Variants in MAP3K21 observed in about 807,000 individuals in gnomAD.
MAP3K21 encodes mitogen-activated protein kinase kinase kinase 21, also known as mitogen-activated protein kinase kinase kinase MLK4.
A neutral mutation model predicts 86.1 loss-of-function variants in MAP3K21; 63 were observed. That is an observed-to-expected ratio of 0.73 (90% confidence interval 0.60 to 0.90). The LOEUF is 0.90. Among genes scored for constraint, MAP3K21 ranks in the 40% least tolerant of loss-of-function variants. The pLI, the probability that MAP3K21 is intolerant of heterozygous loss-of-function variation, is 0.00. For missense variants in MAP3K21, 1,220 were observed against 1,367.7 expected (o/e 0.89, Z 1.70); for synonymous variants, 558 against 564.8 (o/e 0.99, Z 0.17).
At chr1:233,371,244 G>T (rs1400988714) in intron 5 of MAP3K21, among the ~76,000 whole-genome samples, 1 of 152,198 alleles carries the variant, frequency 6.6e-6, no homozygotes, top group South Asian at 2.1e-4. Flanking sequence ...GTTCACTTTA[G>T]CAGGTGAAGA....
intron 4 of MAP3K21, 139 bp from the exon 5 acceptor site, chr1:233,361,914 A>C: frequency 9.3e-7 from 1 of 1,074,970 alleles, no homozygotes; most frequent in East Asian, 2.6e-5. Flanking sequence ...CCAGGGCTTG[A>C]GCAGAGGAAG....
intron 1 of MAP3K21, among the ~76,000 whole-genome samples, chr1:233,334,975 T>TTTTA (rs59426599): frequency 1.3e-5 from 2 of 148,682 alleles, no homozygotes; most frequent in East Asian, 2.0e-4. Context: ...TTTTTTTTTT[T>TTTTA]ATTATACTTT....
intron 1 of MAP3K21, among the ~76,000 whole-genome samples, chr1:233,331,298 G>T (rs1662805439): frequency 6.6e-6 from 1 of 152,148 alleles, no homozygotes; most frequent in Non-Finnish European, 1.5e-5. Context: ...TCACTAGCCT[G>T]GCCAAGTATT....
At chr1:233,341,051 C>G (rs1448954007) in intron 1 of MAP3K21, among the ~76,000 whole-genome samples, 1 of 152,102 alleles carries the variant, frequency 6.6e-6, no homozygotes, top group Non-Finnish European at 1.5e-5. Context: ...AGGCTAAGTA[C>G]AAGGTTGTAG....
At chr1:233,370,193 C>T (rs1399654337) in intron 5 of MAP3K21, among the ~76,000 whole-genome samples, 2 of 152,156 alleles carry the variant, frequency 1.3e-5, no homozygotes, top group Non-Finnish European at 2.9e-5. Context: ...TTTATTATGT[C>T]CCAACCCCTG....
Position 233,379,625 on chromosome 1 carries a change from A to G in MAP3K21, c.2619A>G (p.Thr873=), listed in dbSNP as rs761193022. The part of the protein sequence containing the change: ...RNLPSSFLQQ[T]CGNVPYCASS... ...TGCCGTCTTCCTTCCTACAGCAGAC[A>G]TGTGGGAATGTACCTTACTGTGCTT... The change falls in exon 9 of 10, where the codon ACA becomes ACG. Residue 873 remains threonine (T), a synonymous_variant. Coordinates refer to ENST00000366624, the MANE Select transcript of MAP3K21 (RefSeq NM_032435.3). The G allele has an allele frequency of 6.2e-7, 1 of 1,613,670 alleles. No homozygotes were observed. Among genetic ancestry groups the G allele is most frequent in the South Asian group, 1.1e-5 (1 of 91,074 alleles).
chr1:233,368,589 A>C (rs1037398356), intron 5 of MAP3K21, among the ~76,000 whole-genome samples: 1 of 152,084 alleles, frequency 6.6e-6, no homozygotes, highest in African/African-American at 2.4e-5. Flanking sequence ...AGGGGAGGTC[A>C]AGGCTGCAGT....
In MAP3K21 at chr1:233,379,531, C is replaced by A. The variant is rs759510536; in HGVS notation, c.2525C>A (p.Ala842Asp). The A allele has an allele frequency of 1.9e-6, 3 of 1,614,072 alleles. No homozygotes were observed. The highest frequency in any genetic ancestry group is 4.5e-5 in the East Asian group (2 of 44,884). Residue 842 changes from alanine (A) to aspartate (D), a missense_variant, in exon 9 of 10, where the codon GCC (alanine) becomes GAC (aspartate). By Grantham distance (126) the Ala-to-Asp change is moderately radical (BLOSUM62 -2). Coordinates refer to ENST00000366624, the MANE Select transcript of MAP3K21 (RefSeq NM_032435.3). Reference sequence around the variant, plus strand: ...CTCACTCCGGATTTTTGTCCCACTGCCCCAGGAAGTGGTCGTGAGCCAGCC... The same window carrying A: ...CTCACTCCGGATTTTTGTCCCACTGACCCAGGAAGTGGTCGTGAGCCAGCC... ...EMLTPDFCPT[A>D]PGSGREPALM...
At chr1:233,339,127 G>T (rs1174578853) in intron 1 of MAP3K21, among the ~76,000 whole-genome samples, 2 of 152,056 alleles carry the variant, frequency 1.3e-5, no homozygotes, top group African/African-American at 2.4e-5. Flanking sequence ...ATGATCAACC[G>T]TATCAAATGC....
intron 1 of MAP3K21, among the ~76,000 whole-genome samples, chr1:233,339,672 T>C (rs897832653): frequency 6.6e-6 from 1 of 151,738 alleles, no homozygotes; most frequent in African/African-American, 2.4e-5. Flanking sequence ...TTTGTAGGGG[T>C]TGGTTCTCAC....
intron 5 of MAP3K21, 85 bp downstream of exon 5, chr1:233,362,378 A>C: frequency 7.0e-7 from 1 of 1,434,982 alleles, no homozygotes; most frequent in African/African-American, 1.4e-5. Flanking sequence ...ACCAGGAAAG[A>C]GATAGGGAAG....
intron 8 of MAP3K21, among the ~76,000 whole-genome samples, 188 bp downstream of exon 8, chr1:233,376,715 A>G (rs983278453): frequency 6.6e-6 from 1 of 152,236 alleles, no homozygotes; most frequent in African/African-American, 2.4e-5. Context: ...GCAGGAAGTA[A>G]TTAGGCTTCA....
intron 5 of MAP3K21, among the ~76,000 whole-genome samples, chr1:233,370,229 G>T (rs1019683998): frequency 1.3e-5 from 2 of 152,118 alleles, no homozygotes; most frequent in Non-Finnish European, 2.9e-5. Flanking sequence ...ATACTTCTTT[G>T]CACTGAATTT....
In MAP3K21 at chr1:233,328,524, G is replaced by C. The variant is rs752190705; in HGVS notation, c.496G>C (p.Glu166Gln). The C allele has an allele frequency of 1.3e-6, 2 of 1,529,928 alleles. No individual in the cohort carries two copies. Among genetic ancestry groups the C allele is most frequent in the Non-Finnish European group, 1.7e-6 (2 of 1,149,256 alleles). The allele number at this position is 1,529,928 out of a possible 1,614,324, so 94.8% of individuals were successfully genotyped here. ...DPEQDAAAAA[E>Q]SVRREARLFA... is the part of the protein sequence containing the mutation. The stretch of plus-strand genomic sequence containing the variant: ...GGAGCAGGACGCGGCGGCGGCTGCC[G>C]AGAGCGTGCGGCGCGAGGCTCGGCT... The change falls in exon 1 of 10, where the codon GAG becomes CAG. Residue 166 changes from glutamate (E) to glutamine (Q), a missense_variant. Glu to Gln is a conservative substitution (Grantham distance 29). This residue lies in a region of MAP3K21 where 369 missense variants were observed against 385.3 expected (regional missense o/e 0.96). Coordinates refer to ENST00000366624, the MANE Select transcript of MAP3K21 (RefSeq NM_032435.3). The surrounding 1 kb of genome is among the most constrained non-coding windows in gnomAD (Gnocchi z 8.7).
chr1:233,328,640 C>T lies in MAP3K21; in HGVS notation c.612C>T (p.Arg204=). 11 of 1,442,428 alleles carry T rather than the reference C, an allele frequency of 7.6e-6. No individual in the cohort carries two copies. Among genetic ancestry groups the T allele is most frequent in the Non-Finnish European group, 1.0e-5 (11 of 1,099,046 alleles). The allele number at this position is 1,442,428 out of a possible 1,614,324, so 89.4% of individuals were successfully genotyped here. The change falls in exon 1 of 10, where the codon CGC becomes CGT. Residue 204 remains arginine (R), a synonymous_variant. Transcript: ENST00000366624. This position sits in a 1 kb window ranked among gnomAD's most constrained non-coding sequence, Gnocchi z 8.7. ...PHLCLVLEFA[R]GGALNRALAA... is the part of the protein sequence containing the mutation. ...TCTGCCTGGTGCTGGAGTTCGCCCG[C>T]GGCGGAGCGCTCAACCGAGCGCTGG...
chr1:233,374,464 G>A (rs916001577), intron 6 of MAP3K21, among the ~76,000 whole-genome samples: 3 of 152,106 alleles, frequency 2.0e-5, no homozygotes, highest in African/African-American at 7.2e-5. Context: ...GTGAGCCATC[G>A]CACCCGGCCT....
At position 233,382,423 on chromosome 1, in the gene MAP3K21, C is replaced by T. The variant is rs375381466; in HGVS notation, c.2823C>T (p.Ile941=). 40 of 1,614,142 alleles carry T rather than the reference C, an allele frequency of 2.5e-5. No homozygotes were observed. The highest frequency in any genetic ancestry group is 1.8e-4 in the Admixed American group (11 of 60,020). Residue 941 remains isoleucine (I), a synonymous_variant, in exon 10 of 10, where the codon ATC becomes ATT. Transcript: ENST00000366624. ...CCAAGAAGCACAGCACTGTCCACAT[C>T]GTGCCTCAGCGTCGCCCTGCCTCCC... The part of the protein sequence containing the change: ...VSPKKHSTVH[I]VPQRRPASLR...
In MAP3K21 at chr1:233,328,134, G is replaced by T; in HGVS notation, c.106G>T (p.Ala36Ser). ...SSSSTSSGGS[A>S]SAGAGLWAAL... ...GTCGTCCACCTCCTCGGGCGGCTCGGCCTCGGCGGGCGCGGGGCTGTGGGC... is the reference window on the plus strand; with the variant it reads ...GTCGTCCACCTCCTCGGGCGGCTCGTCCTCGGCGGGCGCGGGGCTGTGGGC... Residue 36 changes from alanine to serine, a missense_variant, in exon 1 of 10, where the codon GCC (alanine) becomes TCC (serine). This residue lies in a region of MAP3K21 where 369 missense variants were observed against 385.3 expected (regional missense o/e 0.96). Coordinates refer to ENST00000366624, the MANE Select transcript of MAP3K21 (RefSeq NM_032435.3). This position sits in a 1 kb window ranked among gnomAD's most constrained non-coding sequence, Gnocchi z 8.7. The T allele has an allele frequency of 7.0e-7, 1 of 1,420,258 alleles. No homozygotes were observed. The highest frequency in any genetic ancestry group is 9.2e-7 in the Non-Finnish European group (1 of 1,092,106). The allele number at this position is 1,420,258 out of a possible 1,614,324, so 88.0% of individuals were successfully genotyped here. A position where few individuals can be genotyped will look rare whatever the true frequency, so the allele number is the denominator to read the frequency against.
intron 5 of MAP3K21, among the ~76,000 whole-genome samples, chr1:233,365,087 G>A (rs908223727): frequency 6.6e-6 from 1 of 152,138 alleles, no homozygotes; most frequent in Non-Finnish European, 1.5e-5. Context: ...ATTCCGCTTA[G>A]TATAGAAGAG....
Sources: gnomAD v4.1 joint callset for allele counts (sites outside exome capture counted in the v4.1 genomes callset) on GRCh38, gnomAD v4.1.1 for gene constraint, gnomAD v4.1.1 regional missense constraint, Gnocchi (gnomAD v3.1) non-coding constraint, MANE v1.5 for transcripts, NCBI Gene and HGNC (gene_info 2026-07-23, HGNC 2026-07-21) for gene names.